Variants in MYLK observed in about 807,000 individuals in gnomAD.
The protein encoded by MYLK is myosin light chain kinase, smooth muscle.
Under a neutral mutation model 203.4 loss-of-function variants are expected in MYLK, and 106 were observed. The ratio of observed to expected loss-of-function variants is 0.52; its 90% confidence interval spans 0.45 to 0.61. The LOEUF (loss-of-function observed/expected upper bound fraction) is 0.61, where lower values mean the gene tolerates loss of function less well. Ranked by LOEUF, MYLK falls within the 20% of genes least tolerant of loss-of-function variation. The probability of loss-of-function intolerance (pLI) is 0.00; values close to 1 mark genes in which losing one functional copy is unlikely to be tolerated. For missense variants in MYLK, 2,072 were observed against 2,442.3 expected (o/e 0.85, Z 3.20); for synonymous variants, 867 against 959.5 (o/e 0.90, Z 1.78).
At chr3:123,831,322 C>T (rs886530087) in intron 3 of MYLK, 82 of 1,241,396 alleles carry the variant, frequency 6.6e-5, no homozygotes, top group Non-Finnish European at 7.8e-5. Flanking sequence ...CCACCACCTT[C>T]GCCAGTTCAA....
chr3:123,663,729 C>T (rs546078236), intron 23 of MYLK, among the ~76,000 whole-genome samples: 1 of 152,222 alleles, frequency 6.6e-6, no homozygotes, highest in East Asian at 1.9e-4. Flanking sequence ...AGGATGGGGA[C>T]AGATACAGAC....
chr3:123,737,590 T>C, intron 7 of MYLK, 47 bp from the exon 8 acceptor site: 1 of 1,610,674 alleles, frequency 6.2e-7, no homozygotes, highest in South Asian at 1.1e-5. Flanking sequence ...CTGCTCACCT[T>C]CTGGCTGTGT....
intron 33 of MYLK, among the ~76,000 whole-genome samples, chr3:123,615,000 A>G (rs946974758): frequency 3.3e-5 from 5 of 151,684 alleles, no homozygotes; most frequent in African/African-American, 1.2e-4. Context: ...TTTTTTGTAA[A>G]GACAGGGTCT....
chr3:123,628,426 C>A (rs2058260767), intron 30 of MYLK, among the ~76,000 whole-genome samples: 6 of 152,192 alleles, frequency 3.9e-5, no homozygotes, highest in Admixed American at 3.9e-4. Context: ...CCCTCCCCTT[C>A]TCTCTAGCAC....
chr3:123,806,829 A>T (rs1211308240), intron 3 of MYLK, among the ~76,000 whole-genome samples: 1 of 151,646 alleles, frequency 6.6e-6, no homozygotes, highest in African/African-American at 2.4e-5. Context: ...CACCTGGCTA[A>T]TTTTTTTGTA....
chr3:123,689,435 C>G (rs1320185614), intron 19 of MYLK, among the ~76,000 whole-genome samples: 1 of 152,092 alleles, frequency 6.6e-6, no homozygotes, highest in Admixed American at 6.5e-5. Context: ...AATTCACTGC[C>G]CGGGGAGGCT....
rs373115085 is a variant in MYLK, at chr3:123,667,124, C to T, written c.3703+13G>A. 48 of 1,613,356 alleles carry T rather than the reference C, an allele frequency of 3.0e-5. No individual in the cohort carries two copies. The highest frequency in any genetic ancestry group is 3.6e-5 in the Non-Finnish European group (42 of 1,179,472). ...TGACTTCTTTGACCCCAGATAGTGC[C>T]GTGGCCAATTACCTGCCTTCGGAGG... On this transcript the variant is annotated intron_variant, in intron 21 of 33. Transcript: ENST00000360304.
intron 2 of MYLK, among the ~76,000 whole-genome samples, chr3:123,864,880 A>T (rs2032220206): frequency 6.6e-6 from 1 of 152,200 alleles, no homozygotes; most frequent in Non-Finnish European, 1.5e-5. Context: ...GACAGACTCC[A>T]TCTCTACATA....
In MYLK at chr3:123,610,312, C is replaced by T. The variant is rs978812871; in HGVS notation, c.*3793G>A. ...ACACATCCAGAACATGGTGATAAGCCTGTATCAGGATAGTCTAGGTTATGT... is the reference window on the plus strand; with the variant it reads ...ACACATCCAGAACATGGTGATAAGCTTGTATCAGGATAGTCTAGGTTATGT... On this transcript the variant is annotated 3_prime_UTR_variant, in exon 34 of 34. Transcript: ENST00000360304. The T allele has an allele frequency of 5.3e-5, 8 of 152,126 alleles. No homozygotes were observed. The highest frequency in any genetic ancestry group is 1.0e-4 in the Non-Finnish European group (7 of 68,028). The allele number at this position is 152,126 out of a possible 1,614,324, so 9.4% of individuals were successfully genotyped here.
intron 19 of MYLK, among the ~76,000 whole-genome samples, chr3:123,690,491 G>A (rs1371938888): frequency 6.6e-6 from 1 of 152,124 alleles, no homozygotes; most frequent in Non-Finnish European, 1.5e-5. Context: ...GGGGATGAGG[G>A]GACAGAATGA....
At chr3:123,742,045 C>T (rs2062870776) in intron 5 of MYLK, among the ~76,000 whole-genome samples, 1 of 152,190 alleles carries the variant, frequency 6.6e-6, no homozygotes, top group African/African-American at 2.4e-5. Context: ...TCTAGACTTT[C>T]CTGCTTTTAC....
At chr3:123,803,216 AG>A (rs1488381379) in intron 3 of MYLK, among the ~76,000 whole-genome samples, 3 of 152,222 alleles carry the variant, frequency 2.0e-5, no homozygotes, top group Non-Finnish European at 4.4e-5. Flanking sequence ...GATTGTTACG[AG>A]GGTCAGCAAC....
chr3:123,746,483 A>C (rs1019324775), intron 5 of MYLK, among the ~76,000 whole-genome samples: 35 of 152,122 alleles, frequency 2.3e-4, no homozygotes, highest in African/African-American at 8.5e-4. Context: ...CAGCAAGGGC[A>C]ACCTGTGTGT....
intron 4 of MYLK, among the ~76,000 whole-genome samples, chr3:123,793,141 T>C (rs184283170): frequency 9.2e-5 from 14 of 152,274 alleles, no homozygotes; most frequent in Admixed American, 7.2e-4. Context: ...TGCCTATTTG[T>C]AGAAGAAGAA....
chr3:123,819,460 T>A (rs529539092), intron 3 of MYLK, among the ~76,000 whole-genome samples: 1 of 152,278 alleles, frequency 6.6e-6, no homozygotes, highest in African/African-American at 2.4e-5. Flanking sequence ...AATCATAAAG[T>A]CCCTTATCTC....
At position 123,700,531 on chromosome 3, in the gene MYLK, C is replaced by T. The variant is rs146177534; in HGVS notation, c.2937G>A (p.Pro979=). ...EKVPPPKPAT[P]DFRSVLGGKK... Reference sequence around the variant, plus strand: ...TGCCACCCAGCACTGAGCGAAAATCCGGGGTGGCAGGTTTTGGCGGTGGCA... The same window carrying T: ...TGCCACCCAGCACTGAGCGAAAATCTGGGGTGGCAGGTTTTGGCGGTGGCA... Residue 979 remains proline (P), a synonymous_variant, in exon 18 of 34, where the codon CCG becomes CCA. Coordinates refer to ENST00000360304, the MANE Select transcript of MYLK (RefSeq NM_053025.4). 75 of 1,613,494 alleles carry T rather than the reference C, an allele frequency of 4.6e-5. 1 individual carries two copies. Among genetic ancestry groups the T allele is most frequent in the South Asian group, 4.2e-4 (38 of 91,066 alleles).
chr3:123,883,897 T>C (rs1169460971), intron 1 of MYLK, among the ~76,000 whole-genome samples: 1 of 152,042 alleles, frequency 6.6e-6, no homozygotes, highest in Non-Finnish European at 1.5e-5. Flanking sequence ...GTCTGGGAGC[T>C]GGGAGAAGGG....
At chr3:123,789,108 C>A (rs1468523270) in intron 4 of MYLK, among the ~76,000 whole-genome samples, 1 of 152,114 alleles carries the variant, frequency 6.6e-6, no homozygotes, top group African/African-American at 2.4e-5. Flanking sequence ...AGGGGTGTTT[C>A]CACCAGCCCC....
At chr3:123,666,797 C>A in intron 21 of MYLK, 1 of 538,944 alleles carries the variant, frequency 1.9e-6, no homozygotes, top group Non-Finnish European at 3.3e-6. Flanking sequence ...AAAAATAGCC[C>A]CAAGAGGGTC....
Sources: allele counts gnomAD v4.1 joint callset (sites outside exome capture counted in the v4.1 genomes callset), GRCh38; gene constraint gnomAD v4.1.1; transcripts MANE v1.5; gene names NCBI Gene and HGNC (gene_info 2026-07-23, HGNC 2026-07-21).